Variants in EYS observed in about 807,000 individuals in gnomAD.
The protein encoded by EYS is protein eyes shut homolog.
In EYS, 250 loss-of-function variants were observed where a neutral mutation model predicts 282.1. The ratio of observed to expected loss-of-function variants is 0.89; its 90% CI spans 0.80 to 0.98. The LOEUF (loss-of-function observed/expected upper bound fraction) is 0.98, where lower values mean the gene tolerates loss of function less well. Ranked by LOEUF, EYS falls within the 50% of genes least tolerant of loss-of-function variation. The pLI is 0.00. For synonymous variants in EYS, 1,355 were observed against 1,282.9 expected (o/e 1.06, Z -1.20); for missense variants, 4,016 against 3,709.0 (o/e 1.08, Z -2.15).
intron 31 of EYS, among the ~76,000 whole-genome samples, chr6:64,124,350 C>G (rs142516604): frequency 4.2e-4 from 64 of 152,296 alleles, no homozygotes; most frequent in African/African-American, 1.5e-3. Context: ...TTTATCTTCT[C>G]TCTAGGGGAA....
chr6:64,024,134 G>T (rs1207287952), intron 33 of EYS, among the ~76,000 whole-genome samples: 1 of 152,244 alleles, frequency 6.6e-6, no homozygotes, highest in Non-Finnish European at 1.5e-5. Context: ...CAGGGCGCAG[G>T]ACTGGCAGGC....
At chr6:64,654,024 C>T (rs571600688) in intron 22 of EYS, among the ~76,000 whole-genome samples, 34 of 152,204 alleles carry the variant, frequency 2.2e-4, no homozygotes, top group African/African-American at 7.0e-4. Context: ...ACTTGAAAAT[C>T]ATTTCCTTTC....
chr6:64,187,316 C>T (rs1311797426), intron 31 of EYS, among the ~76,000 whole-genome samples: 1 of 151,938 alleles, frequency 6.6e-6, no homozygotes, highest in African/African-American at 2.4e-5. Context: ...CCCTTTAAAC[C>T]TTCTAATGAT....
At chr6:65,656,845 A>G (rs764990603) in intron 1 of EYS, among the ~76,000 whole-genome samples, 3 of 151,960 alleles carry the variant, frequency 2.0e-5, no homozygotes, top group African/African-American at 7.2e-5. Context: ...AGAATATCCA[A>G]ATAGGAATTT....
intron 19 of EYS, among the ~76,000 whole-genome samples, chr6:64,824,696 G>T (rs1191611837): frequency 6.6e-6 from 1 of 151,782 alleles, no homozygotes; most frequent in African/African-American, 2.4e-5. Flanking sequence ...AAAAGAGTTT[G>T]GGACAGGATG....
chr6:64,141,129 CTA>C (rs1239182665), intron 31 of EYS, among the ~76,000 whole-genome samples: 14 of 152,074 alleles, frequency 9.2e-5, no homozygotes, highest in African/African-American at 3.1e-4. Context: ...ATAAATGTAG[CTA>C]TGTCTCTTAA....
intron 22 of EYS, among the ~76,000 whole-genome samples, chr6:64,805,832 C>G (rs1764404608): frequency 6.7e-6 from 1 of 149,590 alleles, no homozygotes; most frequent in Admixed American, 6.6e-5. Context: ...TTTAAAAATC[C>G]CAAGGAAATT....
At chr6:64,751,247 C>T (rs1278195843) in intron 22 of EYS, among the ~76,000 whole-genome samples, 1 of 152,168 alleles carries the variant, frequency 6.6e-6, no homozygotes, top group African/African-American at 2.4e-5. Flanking sequence ...GCTTAAGCTG[C>T]CCCACCCCTC....
At chr6:63,756,974 A>T (rs1418771944) in intron 41 of EYS, among the ~76,000 whole-genome samples, 1 of 152,148 alleles carries the variant, frequency 6.6e-6, no homozygotes, top group Non-Finnish European at 1.5e-5. Flanking sequence ...ATTGATCGTA[A>T]AACATGTGTG....
intron 5 of EYS, chr6:65,489,241 T>C (rs1421995749): frequency 6.6e-6 from 1 of 152,166 alleles, no homozygotes; most frequent in African/African-American, 2.4e-5. Context: ...GACAAAGGGT[T>C]AATAACCAGA....
In EYS at chr6:64,171,485, TAAA is replaced by T. The variant is rs546881638; in HGVS notation, c.6424+59104_6424+59106del. Among the ~76,000 whole-genome samples the T allele has an allele frequency of 2.2e-3, 334 of 152,272 alleles. 1 individual carries two copies. The highest frequency in any genetic ancestry group is 7.3e-3 in the African/African-American group (302 of 41,524). ...ATTATAGCCATATCTATGCTTTACA[TAAA>T]AAATCAAACCTAGCTTTTACTGACT... On this transcript the variant is annotated intron_variant, in intron 31 of 42. Transcript: ENST00000503581.
chr6:64,416,631 T>A (rs986935114), intron 28 of EYS, among the ~76,000 whole-genome samples: 1 of 152,204 alleles, frequency 6.6e-6, no homozygotes, highest in East Asian at 1.9e-4. Flanking sequence ...GTACTTAATG[T>A]TTATCACTCA....
intron 5 of EYS, among the ~76,000 whole-genome samples, chr6:65,449,686 A>AG (rs895739731): frequency 2.0e-5 from 3 of 152,108 alleles, no homozygotes; most frequent in African/African-American, 7.2e-5. Flanking sequence ...AGCAAAGGCA[A>AG]GAAAAATAAG....
At chr6:63,862,120 T>A (rs1772550225) in intron 36 of EYS, among the ~76,000 whole-genome samples, 1 of 152,172 alleles carries the variant, frequency 6.6e-6, no homozygotes, top group South Asian at 2.1e-4. Context: ...AAATATCTCC[T>A]CCTCTGAGAG....
chr6:64,503,257 G>A (rs1232530689), intron 26 of EYS, among the ~76,000 whole-genome samples: 2 of 152,136 alleles, frequency 1.3e-5, no homozygotes, highest in Non-Finnish European at 2.9e-5. Context: ...ACACTAGCCA[G>A]TTCAAAGACA....
intron 35 of EYS, among the ~76,000 whole-genome samples, chr6:63,891,814 T>C (rs878880768): frequency 1.3e-5 from 2 of 152,198 alleles, no homozygotes; most frequent in East Asian, 1.9e-4. Flanking sequence ...GATGACATGA[T>C]TGTATATTTA....
intron 33 of EYS, among the ~76,000 whole-genome samples, chr6:64,010,248 G>A (rs1205679082): frequency 6.6e-6 from 1 of 152,230 alleles, no homozygotes; most frequent in Non-Finnish European, 1.5e-5. Context: ...CTGCACCGTG[G>A]CAGAGTACTG....
intron 29 of EYS, among the ~76,000 whole-genome samples, chr6:64,355,375 G>T (rs1236583636): frequency 6.6e-6 from 1 of 151,490 alleles, no homozygotes; most frequent in Admixed American, 6.6e-5. Context: ...ACCTCACAGG[G>T]TTCTTGTGAG....
At chr6:65,045,253 A>T (rs182062608) in intron 13 of EYS, among the ~76,000 whole-genome samples, 1 of 151,868 alleles carries the variant, frequency 6.6e-6, no homozygotes, top group Admixed American at 6.6e-5. Context: ...GACAAAATAC[A>T]ATTTTCATAG....
Sources: gnomAD v4.1 joint callset for allele counts (sites outside exome capture counted in the v4.1 genomes callset) on GRCh38, gnomAD v4.1.1 for gene constraint, MANE v1.5 for transcripts, NCBI Gene and HGNC (gene_info 2026-07-23, HGNC 2026-07-21) for gene names.